NOTCH2NLA: variants seen among roughly 807,000 people sequenced by gnomAD.
NOTCH2NLA encodes the protein notch 2 N-terminal like A, also known as notch homolog 2 N-terminal-like protein A.
Position 146,157,456 on chromosome 1 carries a change from C to CA in NOTCH2NLA, c.299-642dup, listed in dbSNP as rs59051402. Among the ~76,000 whole-genome samples, 571 of 122,440 alleles carry CA rather than the reference C, an allele frequency of 4.7e-3. 1 individual carries two copies. The highest frequency in any genetic ancestry group is 0.016 in the South Asian group (57 of 3,628). 80.3% of individuals were successfully genotyped at this position (122,440 alleles called of 152,430 possible). On this transcript the variant is annotated intron_variant, in intron 3 of 4. Coordinates refer to ENST00000362074, the Ensembl canonical transcript of NOTCH2NLA. ...TGGGCGACACAGCAAGACTCCATTT[C>CA]AAAAAAAAAAAAAAATCAACTTCCC...
chr1:146,228,832 C>G (rs1287510438), exon 1 of NOTCH2NLA: 59 of 1,520,004 alleles, frequency 3.9e-5, no homozygotes, highest in Non-Finnish European at 5.2e-5. Flanking sequence ...TGGGCAGATC[C>G]ACATGGGGAG....
At chr1:146,162,388 T>C (rs1661554655) in intron 3 of NOTCH2NLA, among the ~76,000 whole-genome samples, 1 of 149,762 alleles carries the variant, frequency 6.7e-6, no homozygotes, top group African/African-American at 2.5e-5. Context: ...GGGGTAGATT[T>C]GTGGTGGTTA....
chr1:146,165,152 CCT>C (rs1661689943), intron 2 of NOTCH2NLA, 142 bp from the exon 3 acceptor site: 1 of 154,832 alleles, frequency 6.5e-6, no homozygotes. Flanking sequence ...AAACTGCTTC[CCT>C]TTAGAAGAAA....
intron 1 of NOTCH2NLA, among the ~76,000 whole-genome samples, chr1:146,219,795 TAAAAA>T (rs782014725): frequency 3.2e-4 from 25 of 78,492 alleles, no homozygotes; most frequent in South Asian, 2.1e-3. Flanking sequence ...GTTCATAAAC[TAAAAA>T]AAAAAAATAT....
chr1:146,172,873 C>T (rs1370482515), intron 2 of NOTCH2NLA, among the ~76,000 whole-genome samples: 1 of 144,688 alleles, frequency 6.9e-6, no homozygotes, highest in African/African-American at 2.4e-5. Context: ...GTACATAAAC[C>T]CCACTAAGCA....
intron 1 of NOTCH2NLA, chr1:146,228,487 G>A (rs1664319628): frequency 1.1e-6 from 1 of 916,378 alleles, no homozygotes; most frequent in African/African-American, 1.9e-5. Flanking sequence ...AGCAGAGGCG[G>A]CGGGGAACCC....
At chr1:146,159,447 G>GAAAGAAAGAAAA (rs1437002440) in intron 3 of NOTCH2NLA, among the ~76,000 whole-genome samples, 1 of 135,788 alleles carries the variant, frequency 7.4e-6, no homozygotes, top group Non-Finnish European at 1.7e-5. Flanking sequence ...AAGAAAGAAA[G>GAAAGAAAGAAAA]AGAAAGAAAG....
chr1:146,228,791 C>A, exon 1 of NOTCH2NLA: 1 of 1,562,992 alleles, frequency 6.4e-7, no homozygotes. Flanking sequence ...TCTTCTCGGT[C>A]GCCTCCTCCG....
intron 1 of NOTCH2NLA, among the ~76,000 whole-genome samples, chr1:146,203,570 G>C (rs1234428357): frequency 8.3e-5 from 1 of 12,020 alleles, no homozygotes; most frequent in Non-Finnish European, 1.8e-4. Flanking sequence ...CAGAGAAGAC[G>C]GGTCATCACT....
chr1:146,159,383 G>A (rs1465202018), intron 3 of NOTCH2NLA, among the ~76,000 whole-genome samples: 4 of 132,924 alleles, frequency 3.0e-5, no homozygotes, highest in Non-Finnish European at 4.8e-5. Context: ...GAGAGGAAGA[G>A]AGAAAGAGAG....
intron 3 of NOTCH2NLA, among the ~76,000 whole-genome samples, chr1:146,158,170 A>G (rs1661258963): frequency 1.3e-5 from 2 of 151,726 alleles, no homozygotes; most frequent in African/African-American, 2.4e-5. Context: ...AATTTTTATT[A>G]TTATTATTAT....
chr1:146,180,698 T>G (rs587666115), intron 2 of NOTCH2NLA, among the ~76,000 whole-genome samples: 1 of 142,798 alleles, frequency 7.0e-6, no homozygotes, highest in Non-Finnish European at 1.6e-5. Context: ...TACACACATA[T>G]GACAGGAGGA....
intron 2 of NOTCH2NLA, among the ~76,000 whole-genome samples, chr1:146,172,794 C>G (rs1463380431): frequency 6.7e-6 from 1 of 148,272 alleles, no homozygotes; most frequent in African/African-American, 2.4e-5. Flanking sequence ...TTCTCAAACT[C>G]CCATCTAGAT....
At position 146,172,733 on chromosome 1, in the gene NOTCH2NLA, G is replaced by A. The variant is rs1772517; in HGVS notation, c.39-7723C>T. On this transcript the variant is annotated intron_variant, in intron 2 of 4. Transcript: ENST00000362074. ...CCATGTCATGCACTACATTGTCTCC[G>A]CTGGTATGGTTCTTCTTTATTTAAG... Among the ~76,000 whole-genome samples the A allele has an allele frequency of 6.6e-5, 10 of 151,884 alleles. No homozygotes were observed. In the East Asian group the frequency reaches 7.7e-4, roughly 12 times the overall value.
intron 3 of NOTCH2NLA, among the ~76,000 whole-genome samples, chr1:146,158,189 A>G (rs1661260388): frequency 1.3e-5 from 2 of 151,390 alleles, no homozygotes; most frequent in East Asian, 1.9e-4. Context: ...ATTATACTTT[A>G]AGTTCTAGGG....
At chr1:146,173,100 G>A (rs1553807358) in intron 2 of NOTCH2NLA, among the ~76,000 whole-genome samples, 2 of 150,518 alleles carry the variant, frequency 1.3e-5, no homozygotes, top group East Asian at 3.9e-4. Flanking sequence ...AGCTAAGACA[G>A]TCAGAAATAA....
downstream of NOTCH2NLA, chr1:146,153,829 A>T (rs1661012344): frequency 6.7e-6 from 1 of 148,902 alleles, no homozygotes; most frequent in African/African-American, 2.5e-5. Context: ...ATGAAATCTT[A>T]CAAACTGTAT....
intron 1 of NOTCH2NLA, chr1:146,228,398 T>G (rs1664311329): frequency 1.0e-6 from 1 of 963,886 alleles, no homozygotes; most frequent in Non-Finnish European, 1.2e-6. Flanking sequence ...ACCCTGGCAC[T>G]ACGAAAAAGG....
exon 1 of NOTCH2NLA, chr1:146,228,878 C>G (rs1357912210): frequency 6.8e-7 from 1 of 1,474,756 alleles, no homozygotes; most frequent in East Asian, 2.5e-5. Flanking sequence ...CTCTCCTCCC[C>G]TCCTCCTGCT....
Sources: allele counts gnomAD v4.1 joint callset (sites outside exome capture counted in the v4.1 genomes callset), GRCh38; gene constraint gnomAD v4.1.1; transcripts MANE v1.5; gene names NCBI Gene and HGNC (gene_info 2026-07-23, HGNC 2026-07-21).